PCSK5: variants seen among roughly 807,000 people sequenced by gnomAD.
PCSK5 encodes prohormone convertase 5.
In PCSK5, 129 loss-of-function variants were observed where a neutral mutation model predicts 233.2. The ratio of observed to expected loss-of-function variants is 0.55; its 90% confidence interval spans 0.48 to 0.64. The LOEUF (loss-of-function observed/expected upper bound fraction) is 0.64. Ranked by LOEUF, PCSK5 falls within the 30% of genes least tolerant of loss-of-function variation. The pLI is 0.00. For missense variants in PCSK5, 2,076 were observed against 2,430.1 expected (o/e 0.85, Z 3.06); for synonymous variants, 825 against 879.2 (o/e 0.94, Z 1.09).
At chr9:75,951,521 C>G (rs1824855276) in intron 2 of PCSK5, among the ~76,000 whole-genome samples, 1 of 152,132 alleles carries the variant, frequency 6.6e-6, no homozygotes, top group African/African-American at 2.4e-5. Context: ...AACTTTGAAT[C>G]TGAATAATAT....
chr9:76,325,044 G>A (rs1220182140), intron 32 of PCSK5, among the ~76,000 whole-genome samples: 2 of 152,140 alleles, frequency 1.3e-5, no homozygotes, highest in African/African-American at 4.8e-5. Context: ...CTGTGGATAT[G>A]TCTTTTTGTG....
chr9:76,082,236 C>T (rs1830869793), intron 7 of PCSK5, among the ~76,000 whole-genome samples: 1 of 152,174 alleles, frequency 6.6e-6, no homozygotes, highest in African/African-American at 2.4e-5. Context: ...CCATGGTGAG[C>T]CTTTGGCTTG....
intron 20 of PCSK5, among the ~76,000 whole-genome samples, chr9:76,204,489 C>T (rs1825035265): frequency 6.6e-6 from 1 of 151,634 alleles, no homozygotes; most frequent in Non-Finnish European, 1.5e-5. Context: ...TCTTTCTCTC[C>T]TCTACTCTCT....
intron 13 of PCSK5, among the ~76,000 whole-genome samples, chr9:76,171,553 C>T (rs1823330649): frequency 6.6e-6 from 1 of 152,224 alleles, no homozygotes; most frequent in Non-Finnish European, 1.5e-5. Context: ...TACTGGTTAA[C>T]CATGCATTGC....
At chr9:76,227,317 G>A (rs1370527191) in intron 20 of PCSK5, among the ~76,000 whole-genome samples, 186 bp from the exon 21 acceptor site, 2 of 152,178 alleles carry the variant, frequency 1.3e-5, no homozygotes, top group Non-Finnish European at 2.9e-5. Context: ...GAGCCCCCGG[G>A]AGAGGAGCAG....
chr9:75,894,093 GT>G (rs1219916547), intron 1 of PCSK5, among the ~76,000 whole-genome samples: 1 of 152,152 alleles, frequency 6.6e-6, no homozygotes, highest in South Asian at 2.1e-4. Flanking sequence ...GGAATGTTCT[GT>G]TTTTTACCCA....
intron 5 of PCSK5, among the ~76,000 whole-genome samples, chr9:76,043,905 A>G (rs1181709685): frequency 2.0e-5 from 2 of 99,198 alleles, no homozygotes; most frequent in East Asian, 3.9e-4. Context: ...ATTCCTTGAG[A>G]TTTGAATTTT....
At chr9:75,950,150 G>C (rs1303843194) in intron 2 of PCSK5, among the ~76,000 whole-genome samples, 1 of 141,492 alleles carries the variant, frequency 7.1e-6, no homozygotes, top group African/African-American at 2.6e-5. Context: ...TGTGTGGGGG[G>C]GGCGGGGAGG....
chr9:76,022,980 T>C (rs1393629769), intron 3 of PCSK5, among the ~76,000 whole-genome samples: 1 of 152,232 alleles, frequency 6.6e-6, no homozygotes, highest in Non-Finnish European at 1.5e-5. Context: ...AGCACACATC[T>C]GGCTGCTGTA....
At chr9:75,940,738 C>T (rs917013816) in intron 2 of PCSK5, among the ~76,000 whole-genome samples, 2 of 152,192 alleles carry the variant, frequency 1.3e-5, no homozygotes, top group African/African-American at 4.8e-5. Flanking sequence ...AGTCAAATTC[C>T]ATTTCCCCAT....
intron 34 of PCSK5, 31 bp from the exon 35 acceptor site, chr9:76,338,199 T>C (rs1388032623): frequency 1.3e-6 from 2 of 1,510,368 alleles, no homozygotes; most frequent in East Asian, 4.6e-5. Context: ...CAAAGCTTAC[T>C]ATTCCATCTT....
chr9:76,032,176 G>A (rs1244914391), intron 5 of PCSK5, among the ~76,000 whole-genome samples: 3 of 152,206 alleles, frequency 2.0e-5, no homozygotes, highest in South Asian at 4.1e-4. Context: ...CATGTGCTAT[G>A]CAAATGCCTC....
chr9:76,076,257 A>G (rs1349061335), intron 7 of PCSK5, among the ~76,000 whole-genome samples: 4 of 152,078 alleles, frequency 2.6e-5, no homozygotes, highest in African/African-American at 9.7e-5. Flanking sequence ...GCCAAGGGAG[A>G]TGTGTTGGAG....
intron 5 of PCSK5, among the ~76,000 whole-genome samples, chr9:76,065,488 TTG>T (rs1830254327): frequency 6.6e-6 from 1 of 152,206 alleles, no homozygotes; most frequent in South Asian, 2.1e-4. Context: ...TTCAAATCAT[TTG>T]TCCATTTTAA....
At chr9:76,289,480 C>T (rs1828200084) in intron 24 of PCSK5, among the ~76,000 whole-genome samples, 2 of 108,150 alleles carry the variant, frequency 1.8e-5, no homozygotes, top group African/African-American at 7.8e-5. Flanking sequence ...CACACACACA[C>T]ACACACACAC....
chr9:76,040,834 G>T (rs895738340), intron 5 of PCSK5, among the ~76,000 whole-genome samples: 2 of 152,138 alleles, frequency 1.3e-5, no homozygotes, highest in African/African-American at 4.8e-5. Context: ...ATTTAGAAAG[G>T]ATTTCTGAAT....
intron 20 of PCSK5, among the ~76,000 whole-genome samples, chr9:76,217,347 G>T (rs1564114827): frequency 6.6e-6 from 1 of 152,230 alleles, no homozygotes; most frequent in African/African-American, 2.4e-5. Context: ...TTGCTCTCTG[G>T]TGTTGCTTAT....
chr9:76,044,614 A>C (rs1195913931), intron 5 of PCSK5, among the ~76,000 whole-genome samples: 1 of 152,152 alleles, frequency 6.6e-6, no homozygotes, highest in Non-Finnish European at 1.5e-5. Context: ...ACGCAGTGCA[A>C]CCCTTTTGTA....
At chr9:76,159,817 T>C (rs926600275) in intron 12 of PCSK5, among the ~76,000 whole-genome samples, 1 of 47,362 alleles carries the variant, frequency 2.1e-5, no homozygotes, top group African/African-American at 8.5e-5. Context: ...TCTTCAGTCC[T>C]TTTTTTTTTT....
Sources: allele counts gnomAD v4.1 joint callset (sites outside exome capture counted in the v4.1 genomes callset), GRCh38; gene constraint gnomAD v4.1.1; transcripts MANE v1.5; gene names NCBI Gene and HGNC (gene_info 2026-07-23, HGNC 2026-07-21).